The following ABTB3 variants were observed in gnomAD, a reference collection of about 807,000 sequenced individuals.
ABTB3 encodes ankyrin repeat- and BTB/POZ domain-containing protein 3.
the ABTB3 span, among the ~76,000 whole-genome samples, chr12:107,461,486 G>T: frequency 6.6e-6 from 1 of 150,838 alleles, no homozygotes; most frequent in African/African-American, 2.4e-5. Flanking sequence ...GGCACAAGTT[G>T]TCCCTCAGAG....
chr12:107,410,052 G>A, the ABTB3 span, among the ~76,000 whole-genome samples: 1 of 152,012 alleles, frequency 6.6e-6, no homozygotes, highest in Non-Finnish European at 1.5e-5. Context: ...GCCCAGCTGA[G>A]GTTCCAGCAT....
At chr12:107,518,426 A>G in the ABTB3 span, among the ~76,000 whole-genome samples, 6 of 152,192 alleles carry the variant, frequency 3.9e-5, no homozygotes, top group Non-Finnish European at 8.8e-5. Flanking sequence ...TGCAGCCATA[A>G]AAAATGATGA....
chr12:107,553,941 A>C, the ABTB3 span, among the ~76,000 whole-genome samples: 1 of 152,120 alleles, frequency 6.6e-6, no homozygotes, highest in African/African-American at 2.4e-5. Flanking sequence ...CTGTCTTGAG[A>C]GAGAGAGAGA....
chr12:107,641,355 A>T, the ABTB3 span, among the ~76,000 whole-genome samples: 1 of 152,220 alleles, frequency 6.6e-6, no homozygotes, highest in Non-Finnish European at 1.5e-5. Flanking sequence ...ACATGTTAAC[A>T]TTAGGGGAAG....
the ABTB3 span, among the ~76,000 whole-genome samples, chr12:107,387,261 A>G: frequency 3.3e-5 from 5 of 152,214 alleles, no homozygotes; most frequent in African/African-American, 1.2e-4. Context: ...TACAGGCGTG[A>G]GCCACTGTGC....
At chr12:107,621,106 G>A in the ABTB3 span, among the ~76,000 whole-genome samples, 399 of 152,330 alleles carry the variant, frequency 2.6e-3, 2 homozygotes, top group African/African-American at 9.1e-3. Flanking sequence ...CCTTCAGTAA[G>A]GAGGCAGCAA....
the ABTB3 span, among the ~76,000 whole-genome samples, chr12:107,571,947 A>G: frequency 6.6e-6 from 1 of 152,236 alleles, no homozygotes; most frequent in African/African-American, 2.4e-5. Context: ...GAAAATACCT[A>G]CAGAGAATAA....
chr12:107,343,268 C>T, the ABTB3 span, among the ~76,000 whole-genome samples: 1 of 152,114 alleles, frequency 6.6e-6, no homozygotes, highest in African/African-American at 2.4e-5. Context: ...CCTGTCTTGG[C>T]CTCCTAAAGT....
chr12:107,325,100 A>G, the ABTB3 span, among the ~76,000 whole-genome samples: 3 of 152,276 alleles, frequency 2.0e-5, no homozygotes, highest in Non-Finnish European at 4.4e-5. Context: ...CAGATTATTC[A>G]GGCTGGAGAT....
chr12:107,424,675 C>T, the ABTB3 span, among the ~76,000 whole-genome samples: 1,243 of 152,250 alleles, frequency 8.2e-3, 19 homozygotes, highest in African/African-American at 0.027. Context: ...AGAGTCAAAA[C>T]TCTTTTCAGC....
chr12:107,651,548 C>T, the ABTB3 span: 12 of 631,166 alleles, frequency 1.9e-5, no homozygotes, highest in Middle Eastern at 7.6e-4. Flanking sequence ...CATCATTTCC[C>T]GTCCCCTACC....
chr12:107,638,609 G>C, the ABTB3 span, among the ~76,000 whole-genome samples: 2 of 152,192 alleles, frequency 1.3e-5, no homozygotes, highest in Non-Finnish European at 2.9e-5. Flanking sequence ...TCTGCAACAG[G>C]AGTCAAGGCG....
the ABTB3 span, among the ~76,000 whole-genome samples, chr12:107,516,181 T>C: frequency 1.3e-5 from 2 of 152,018 alleles, no homozygotes; most frequent in Non-Finnish European, 2.9e-5. Context: ...TTCCTGATTA[T>C]GGAAACATTA....
the ABTB3 span, among the ~76,000 whole-genome samples, chr12:107,409,895 A>T: frequency 6.6e-6 from 1 of 152,256 alleles, no homozygotes; most frequent in Non-Finnish European, 1.5e-5. Context: ...CTATATCAAA[A>T]AAAGAAAAGA....
At chr12:107,320,384 G>C in the ABTB3 span, among the ~76,000 whole-genome samples, 5 of 152,210 alleles carry the variant, frequency 3.3e-5, no homozygotes, top group African/African-American at 4.8e-5. Context: ...TTTGGAGCAG[G>C]GTTGAGATCA....
At chr12:107,566,765 C>A in the ABTB3 span, among the ~76,000 whole-genome samples, 6 of 151,944 alleles carry the variant, frequency 3.9e-5, no homozygotes, top group African/African-American at 1.2e-4. Flanking sequence ...ACTCTTAGGC[C>A]TTTTCTGGAG....
the ABTB3 span, among the ~76,000 whole-genome samples, chr12:107,378,505 T>C: frequency 1.3e-5 from 2 of 152,222 alleles, no homozygotes; most frequent in Middle Eastern, 3.2e-3. Flanking sequence ...CATAGGTAAT[T>C]TGTCCAAGGT....
the ABTB3 span, among the ~76,000 whole-genome samples, chr12:107,499,362 CTG>C: frequency 7.6e-3 from 1,142 of 149,442 alleles, 7 homozygotes; most frequent in Non-Finnish European, 9.5e-3. Context: ...AAGAGGGAAG[CTG>C]TGTGTGTGTG....
At chr12:107,495,330 C>G in the ABTB3 span, among the ~76,000 whole-genome samples, 2 of 152,234 alleles carry the variant, frequency 1.3e-5, no homozygotes, top group Non-Finnish European at 2.9e-5. Context: ...TTCGTGTGCT[C>G]TGCAGGCAGA....
Sources: gnomAD v4.1 joint callset for allele counts (sites outside exome capture counted in the v4.1 genomes callset) on GRCh38, gnomAD v4.1.1 for gene constraint, MANE v1.5 for transcripts, NCBI Gene and HGNC (gene_info 2026-07-23, HGNC 2026-07-21) for gene names.